Variants in OR51B5 observed in about 807,000 individuals in gnomAD.
OR51B5 encodes olfactory receptor 51B5.
For missense variants in OR51B5, 456 were observed against 374.6 expected (o/e 1.22, Z -1.79); for synonymous variants, 186 against 144.8 (o/e 1.28, Z -2.04).
intron 1 of OR51B5, among the ~76,000 whole-genome samples, chr11:5,366,437 T>C (rs945529874): frequency 6.6e-6 from 1 of 151,976 alleles, no homozygotes; most frequent in Non-Finnish European, 1.5e-5. Context: ...TGAAACCCTG[T>C]CTCTAATAAA....
intron 1 of OR51B5, among the ~76,000 whole-genome samples, chr11:5,472,383 C>T (rs1169045595): frequency 6.6e-6 from 1 of 152,180 alleles, no homozygotes; most frequent in Non-Finnish European, 1.5e-5. Context: ...CCACTTACCT[C>T]CTCAGGGTAG....
chr11:5,422,766 T>C, intron 1 of OR51B5: 1 of 1,614,212 alleles, frequency 6.2e-7, no homozygotes, highest in Non-Finnish European at 8.5e-7. Flanking sequence ...ATGATCCGCC[T>C]GGTCTGTGCT....
At chr11:5,477,971 CAAAG>C (rs1421631052) in intron 1 of OR51B5, among the ~76,000 whole-genome samples, 1 of 151,914 alleles carries the variant, frequency 6.6e-6, no homozygotes, top group Admixed American at 6.6e-5. Flanking sequence ...CTTAGGTAAA[CAAAG>C]CAGCCGGGAA....
chr11:5,425,302 A>G (rs1203181123), intron 1 of OR51B5, among the ~76,000 whole-genome samples: 1 of 152,196 alleles, frequency 6.6e-6, no homozygotes, highest in Non-Finnish European at 1.5e-5. Flanking sequence ...TTTTGGGATT[A>G]TGTTGGTTTT....
chr11:5,358,021 C>T (rs910067040), intron 1 of OR51B5, among the ~76,000 whole-genome samples: 36 of 151,816 alleles, frequency 2.4e-4, no homozygotes, highest in Non-Finnish European at 3.5e-4. Context: ...TAGCACTAAA[C>T]GCCCAGAAGA....
At chr11:5,459,485 T>C (rs961288454) in intron 1 of OR51B5, among the ~76,000 whole-genome samples, 2 of 152,176 alleles carry the variant, frequency 1.3e-5, no homozygotes, top group African/African-American at 4.8e-5. Context: ...AGAATGACTT[T>C]TGTCAGATGT....
chr11:5,458,144 G>T (rs1850988858), intron 1 of OR51B5, among the ~76,000 whole-genome samples: 1 of 152,006 alleles, frequency 6.6e-6, no homozygotes, highest in Middle Eastern at 3.2e-3. Flanking sequence ...TGATTTTTGT[G>T]TATGATGAAA....
intron 1 of OR51B5, chr11:5,454,408 T>C (rs1850920671): frequency 1.9e-6 from 3 of 1,605,512 alleles, no homozygotes; most frequent in South Asian, 2.2e-5. Flanking sequence ...TTCCGCATGT[T>C]TCACCACATC....
At chr11:5,452,673 G>A (rs1850875452) in intron 1 of OR51B5, among the ~76,000 whole-genome samples, 1 of 151,932 alleles carries the variant, frequency 6.6e-6, no homozygotes, top group African/African-American at 2.4e-5. Context: ...TGTTGTGAAG[G>A]TACATTAATG....
At chr11:5,443,611 G>A (rs564832158) in intron 1 of OR51B5, among the ~76,000 whole-genome samples, 15 of 151,746 alleles carry the variant, frequency 9.9e-5, no homozygotes, top group East Asian at 3.9e-4. Context: ...GTTTACCCCC[G>A]TCTGTAACCA....
intron 1 of OR51B5, chr11:5,422,190 A>G: frequency 1.3e-6 from 2 of 1,575,638 alleles, no homozygotes; most frequent in Non-Finnish European, 8.6e-7. Flanking sequence ...CTGAAGACAC[A>G]TTCATCAGTC....
At chr11:5,424,318 G>A (rs970178549) in intron 1 of OR51B5, among the ~76,000 whole-genome samples, 8 of 152,004 alleles carry the variant, frequency 5.3e-5, no homozygotes, top group Non-Finnish European at 7.4e-5. Flanking sequence ...AAAGTTATTC[G>A]GGGAAAAGAG....
chr11:5,414,305 C>G (rs1330498995), intron 1 of OR51B5, among the ~76,000 whole-genome samples: 3 of 148,028 alleles, frequency 2.0e-5, no homozygotes, highest in Non-Finnish European at 3.0e-5. Context: ...AAAGGAACAA[C>G]CGGTACCAGC....
intron 1 of OR51B5, among the ~76,000 whole-genome samples, chr11:5,456,905 G>T (rs1165000948): frequency 1.3e-5 from 2 of 152,078 alleles, no homozygotes; most frequent in Non-Finnish European, 2.9e-5. Context: ...AAAAATGTAT[G>T]GCACTGCCTA....
chr11:5,489,155 T>C, intron 1 of OR51B5: 5 of 1,614,016 alleles, frequency 3.1e-6, no homozygotes, highest in African/African-American at 1.3e-5. Flanking sequence ...ATTGGCTTTG[T>C]TGGGCTATTC....
rs566605774 is a variant in OR51B5, at chr11:5,352,150, T to G, written n.85-5240A>C. 15 of 1,614,100 alleles carry G rather than the reference T, an allele frequency of 9.3e-6. No homozygotes were observed. The South Asian group carries it at 1.6e-4, about 18-fold the overall frequency. On this transcript the variant is annotated intron_variant and non_coding_transcript_variant, in intron 1 of 4. Transcript: ENST00000415970. ...GTTGGACTTTCTCATCATCTTTTTC[T>G]CCTACATTTTGATTCTCAAGACTGT...
At chr11:5,400,422 C>T (rs1264421678) in intron 1 of OR51B5, among the ~76,000 whole-genome samples, 1 of 152,074 alleles carries the variant, frequency 6.6e-6, no homozygotes, top group Non-Finnish European at 1.5e-5. Context: ...ATATTATATG[C>T]CCACTGCCAC....
chr11:5,410,655 G>A (rs987489199), intron 1 of OR51B5, among the ~76,000 whole-genome samples: 1 of 152,076 alleles, frequency 6.6e-6, no homozygotes, highest in Admixed American at 6.5e-5. Context: ...AGGTCCTTCA[G>A]GAGGTATTCA....
intron 1 of OR51B5, among the ~76,000 whole-genome samples, chr11:5,428,742 A>G (rs1057435765): frequency 7.2e-5 from 11 of 152,218 alleles, no homozygotes; most frequent in Non-Finnish European, 1.5e-4. Flanking sequence ...CAAGCTAACC[A>G]TAAGAGAATT....
Sources: allele counts gnomAD v4.1 joint callset (sites outside exome capture counted in the v4.1 genomes callset), GRCh38; gene constraint gnomAD v4.1.1; transcripts MANE v1.5; gene names NCBI Gene and HGNC (gene_info 2026-07-23, HGNC 2026-07-21).